The following DAB1 variants were observed in gnomAD, a reference collection of about 807,000 sequenced individuals.
DAB1 encodes DAB adaptor protein 1, also known as disabled homolog 1.
DAB1 carries 15 observed loss-of-function variants against 64.6 expected under a neutral mutation model. The ratio of observed to expected loss-of-function variants is 0.23; its 90% confidence interval spans 0.16 to 0.36. DAB1 has a LOEUF of 0.36. Ranked by LOEUF, DAB1 falls within the 10% of genes least tolerant of loss-of-function variation. DAB1 has a pLI of 1.00. For missense variants in DAB1, 596 were observed against 706.7 expected, an observed-to-expected ratio of 0.84 and a Z score of 1.78; for synonymous variants, 235 against 251.9, an observed-to-expected ratio of 0.93 and a Z score of 0.64.
chr1:57,519,259 G>A (rs1484363150), intron 7 of DAB1, among the ~76,000 whole-genome samples: 2 of 152,096 alleles, frequency 1.3e-5, no homozygotes, highest in Non-Finnish European at 2.9e-5. Flanking sequence ...GGAAGCTGAG[G>A]CACAGGGAAG....
chr1:57,487,453 G>C (rs1341756782), intron 7 of DAB1, among the ~76,000 whole-genome samples: 1 of 152,206 alleles, frequency 6.6e-6, no homozygotes, highest in Non-Finnish European at 1.5e-5. Flanking sequence ...CTCTTGCTCT[G>C]CACCAACACC....
At chr1:57,156,579 G>A (rs1323656203) in intron 2 of DAB1, among the ~76,000 whole-genome samples, 1 of 152,128 alleles carries the variant, frequency 6.6e-6, no homozygotes, top group Admixed American at 6.5e-5. Flanking sequence ...ACCACTTGGG[G>A]GAGGCATCTA....
chr1:58,319,285 T>C (rs1319113083), intron 4 of DAB1, among the ~76,000 whole-genome samples: 2 of 152,352 alleles, frequency 1.3e-5, no homozygotes, highest in Non-Finnish European at 1.5e-5. Flanking sequence ...CTTGTATTCA[T>C]GGCTATTGAT....
At chr1:58,045,034 C>T (rs903209829) in intron 5 of DAB1, among the ~76,000 whole-genome samples, 2 of 152,010 alleles carry the variant, frequency 1.3e-5, no homozygotes, top group South Asian at 2.1e-4. Context: ...AATGGGCTTA[C>T]AGATGAAAAC....
chr1:57,100,279 T>C (rs1042713339), intron 4 of DAB1, among the ~76,000 whole-genome samples: 1 of 152,186 alleles, frequency 6.6e-6, no homozygotes, highest in Non-Finnish European at 1.5e-5. Context: ...TGGCACATGG[T>C]AAAGGCTATA....
intron 6 of DAB1, among the ~76,000 whole-genome samples, chr1:57,709,932 T>C (rs6587790): frequency 0.28 from 42,727 of 152,044 alleles, 6,497 homozygotes; most frequent in East Asian, 0.45. Context: ...CATTCACCCA[T>C]GCAAGTTTCC....
intron 3 of DAB1, among the ~76,000 whole-genome samples, chr1:58,363,971 G>A (rs1329283373): frequency 6.6e-6 from 1 of 152,190 alleles, no homozygotes; most frequent in African/African-American, 2.4e-5. Flanking sequence ...AAGAGCGGAG[G>A]TAGGTAGCTC....
At position 58,212,093 on chromosome 1, in the gene DAB1, G is replaced by A. The variant is rs1330413154; in HGVS notation, n.310-61505C>T. 2.0e-5 allele frequency among the ~76,000 whole-genome samples: 3 copies of A among 152,270 alleles called. No homozygotes were observed. In the East Asian group the frequency reaches 5.8e-4, roughly 29 times the overall value. On this transcript the variant is annotated intron_variant and non_coding_transcript_variant, in intron 4 of 20. Coordinates refer to the DAB1 transcript ENST00000485760. ...GAAACCCTGGGAAATTAATGGTCTT[G>A]TTACCTCCATTGGTGTTTAATGACC... is the stretch of plus-strand genomic sequence containing the variant.
At chr1:57,005,984 A>G (rs1366352756) in intron 14 of DAB1, among the ~76,000 whole-genome samples, 1 of 152,220 alleles carries the variant, frequency 6.6e-6, no homozygotes, top group Non-Finnish European at 1.5e-5. Context: ...TAATTCTGTT[A>G]GCCAATTCTG....
chr1:57,535,444 T>C (rs1644714642), intron 7 of DAB1, among the ~76,000 whole-genome samples: 1 of 151,556 alleles, frequency 6.6e-6, no homozygotes, highest in East Asian at 1.9e-4. Context: ...TTAATAGGAT[T>C]CTACTGTTAC....
At chr1:58,277,517 C>G (rs1165403119) in intron 4 of DAB1, among the ~76,000 whole-genome samples, 1 of 152,128 alleles carries the variant, frequency 6.6e-6, no homozygotes, top group Non-Finnish European at 1.5e-5. Context: ...ATGCTCAGTT[C>G]CCAACACACA....
At chr1:57,602,331 A>C (rs566971995) in intron 7 of DAB1, among the ~76,000 whole-genome samples, 3 of 152,272 alleles carry the variant, frequency 2.0e-5, no homozygotes, top group African/African-American at 7.2e-5. Context: ...TCTCACATTC[A>C]CAAGAGAGTT....
intron 4 of DAB1, among the ~76,000 whole-genome samples, 196 bp from the exon 5 acceptor site, chr1:57,072,610 AC>A (rs930604394): frequency 6.6e-6 from 1 of 152,206 alleles, no homozygotes; most frequent in African/African-American, 2.4e-5. Context: ...TAATGCTGTG[AC>A]CAGAGAGAAA....
intron 5 of DAB1, among the ~76,000 whole-genome samples, chr1:58,089,908 T>A (rs1443727302): frequency 1.3e-5 from 2 of 152,050 alleles, no homozygotes; most frequent in Admixed American, 6.6e-5. Flanking sequence ...CAAATGAAAA[T>A]TTGCACTTAA....
chr1:58,132,432 G>A (rs1408051621), intron 5 of DAB1, among the ~76,000 whole-genome samples: 1 of 152,170 alleles, frequency 6.6e-6, no homozygotes, highest in Non-Finnish European at 1.5e-5. Context: ...CGTCGCTCAC[G>A]CTGGGAGCTG....
intron 7 of DAB1, among the ~76,000 whole-genome samples, chr1:57,473,772 T>C (rs1035726882): frequency 1.3e-5 from 2 of 152,182 alleles, no homozygotes; most frequent in African/African-American, 4.8e-5. Flanking sequence ...GTGAATACCC[T>C]TGGGGGTGTC....
intron 2 of DAB1, among the ~76,000 whole-genome samples, chr1:57,200,072 A>G (rs1664962720): frequency 6.6e-6 from 1 of 152,214 alleles, no homozygotes; most frequent in Non-Finnish European, 1.5e-5. Context: ...ATTTCAAACT[A>G]GATCATCAGA....
intron 4 of DAB1, among the ~76,000 whole-genome samples, chr1:57,105,444 A>G (rs1163004807): frequency 6.6e-6 from 1 of 151,980 alleles, no homozygotes; most frequent in Non-Finnish European, 1.5e-5. Flanking sequence ...TGCTGCTCCA[A>G]GGAAAGGTGG....
At chr1:57,743,166 T>C (rs1485184979) in intron 6 of DAB1, among the ~76,000 whole-genome samples, 1 of 152,044 alleles carries the variant, frequency 6.6e-6, no homozygotes, top group Non-Finnish European at 1.5e-5. Context: ...AGCCATCGCA[T>C]CCCCTATGAC....
Sources: gnomAD v4.1 joint callset for allele counts (sites outside exome capture counted in the v4.1 genomes callset) on GRCh38, gnomAD v4.1.1 for gene constraint, MANE v1.5 for transcripts, NCBI Gene and HGNC (gene_info 2026-07-23, HGNC 2026-07-21) for gene names.